Variants in RFC3 observed in about 807,000 individuals in gnomAD.
The protein encoded by RFC3 is A1 38 kDa subunit.
Under a neutral mutation model 45.1 loss-of-function variants are expected in RFC3, and 41 were observed. That is an observed-to-expected ratio of 0.91 (90% CI 0.71 to 1.18). The LOEUF (loss-of-function observed/expected upper bound fraction) is 1.18. Among genes scored for constraint, RFC3 ranks in the 50% most tolerant of loss-of-function variants. The pLI is 0.00. For missense variants in RFC3, 423 were observed against 428.1 expected (o/e 0.99, Z 0.10); for synonymous variants, 149 against 144.0 (o/e 1.03, Z -0.25).
intron 8 of RFC3, among the ~76,000 whole-genome samples, chr13:33,866,681 G>C (rs1405458412): frequency 6.6e-6 from 1 of 152,114 alleles, no homozygotes; most frequent in Non-Finnish European, 1.5e-5. Flanking sequence ...ATTTCTACTG[G>C]TTTTTCCTTA....
At chr13:33,852,014 T>C (rs1216892289) in intron 8 of RFC3, among the ~76,000 whole-genome samples, 1 of 152,206 alleles carries the variant, frequency 6.6e-6, no homozygotes, top group Non-Finnish European at 1.5e-5. Flanking sequence ...AAATGAGATA[T>C]ATTAAATTGA....
chr13:33,820,852 C>T (rs1042224724), intron 1 of RFC3, among the ~76,000 whole-genome samples: 1 of 150,844 alleles, frequency 6.6e-6, no homozygotes, highest in Non-Finnish European at 1.5e-5. Context: ...TGTGCTGTCA[C>T]GTATATAAGT....
chr13:33,866,115 A>G (rs1477861030), intron 8 of RFC3, among the ~76,000 whole-genome samples: 1 of 152,258 alleles, frequency 6.6e-6, no homozygotes, highest in Non-Finnish European at 1.5e-5. Context: ...TACCAGAGAC[A>G]GTAGTTCTTG....
chr13:33,950,996 T>C (rs1323235272), intron 8 of RFC3, among the ~76,000 whole-genome samples: 1 of 151,668 alleles, frequency 6.6e-6, no homozygotes, highest in East Asian at 1.9e-4. Flanking sequence ...GCTGCCAAAG[T>C]TCTTGAAGAC....
intron 8 of RFC3, among the ~76,000 whole-genome samples, chr13:33,856,262 AT>A (rs989589478): frequency 6.6e-6 from 1 of 152,196 alleles, no homozygotes; most frequent in African/African-American, 2.4e-5. Flanking sequence ...ACAAGTTTTT[AT>A]TTATAAGTGG....
In RFC3 at chr13:33,829,576, A is replaced by T. The variant is rs1327357340; in HGVS notation, c.392-260A>T. The T allele has an allele frequency of 9.7e-6, 4 of 410,836 alleles. No individual in the cohort carries two copies. The Admixed American group carries it at 1.7e-4, about 18-fold the overall frequency. The allele number at this position is 410,836 out of a possible 1,614,324, so 25.4% of individuals were successfully genotyped here. A position where few individuals can be genotyped will look rare whatever the true frequency, so the allele number is the denominator to read the frequency against. On this transcript the variant is annotated intron_variant, in intron 4 of 8. Transcript: ENST00000380071. ...CAAGGTCTCACAATATTAAAAACTC[A>T]GAGCTGTTCCTCTCTATAGAAGTCT...
intron 1 of RFC3, among the ~76,000 whole-genome samples, chr13:33,819,966 C>T (rs577107216): frequency 6.6e-6 from 1 of 152,254 alleles, no homozygotes; most frequent in East Asian, 1.9e-4. Flanking sequence ...AGTTCTTTTC[C>T]TTGGGACTTT....
chr13:33,902,079 C>T (rs780895963), intron 8 of RFC3, among the ~76,000 whole-genome samples: 13 of 151,850 alleles, frequency 8.6e-5, no homozygotes, highest in South Asian at 2.1e-4. Context: ...ACACTGATGA[C>T]GGAATATCAG....
chr13:33,836,531 ATTTAC>A lies in RFC3; in HGVS notation c.*241_*245del, dbSNP rs2082156599. The A allele has an allele frequency of 8.2e-7, 1 of 1,212,452 alleles. No individual in the cohort carries two copies. Among genetic ancestry groups the A allele is most frequent in the Non-Finnish European group, 1.0e-6 (1 of 969,424 alleles). The allele number at this position is 1,212,452 out of a possible 1,614,324, so 75.1% of individuals were successfully genotyped here. On this transcript the variant is annotated 3_prime_UTR_variant, in exon 9 of 9. Coordinates refer to ENST00000380071, the MANE Select transcript of RFC3 (RefSeq NM_002915.4). ...TTTAGAGTCTAAGAAAATGATCTTA[ATTTAC>A]TTTAAGCATTGGTTATTCAAGTATT... is the stretch of plus-strand genomic sequence containing the variant.
chr13:33,835,214 GA>G lies in RFC3; in HGVS notation c.878del (p.Lys293ArgfsTer15). The G allele has an allele frequency of 6.2e-7, 1 of 1,604,420 alleles. No homozygotes were observed. The highest frequency in any genetic ancestry group is 8.5e-7 in the Non-Finnish European group (1 of 1,171,474). On this transcript the variant is annotated frameshift_variant and splice_region_variant, in exon 8 of 9. Transcript: ENST00000380071. LOFTEE classifies it high-confidence loss of function. Reference protein sequence around the residue: ...THCIPPEIIMKGLLSELLHNC... With the variant: ...THCIPPEIIMXGLLSELLHNC... The stretch of plus-strand genomic sequence containing the variant: ...ATTGTATTCCTCCTGAGATAATAAT[GA>G]AGGTAACCCAATTTCAGATCTTGAA...
intron 8 of RFC3, among the ~76,000 whole-genome samples, chr13:33,914,575 C>T (rs2082722130): frequency 1.3e-5 from 2 of 152,086 alleles, no homozygotes; most frequent in African/African-American, 4.8e-5. Flanking sequence ...GGAATCTCAC[C>T]TCCTTGGAAA....
At chr13:33,823,762 C>T (rs1487258206) in intron 2 of RFC3, among the ~76,000 whole-genome samples, 155 bp from the exon 3 acceptor site, 1 of 151,946 alleles carries the variant, frequency 6.6e-6, no homozygotes, top group African/African-American at 2.4e-5. Flanking sequence ...TTTATCTGCA[C>T]ATTGAGAAAA....
At chr13:33,820,790 A>G (rs2081994659) in intron 1 of RFC3, among the ~76,000 whole-genome samples, 1 of 152,022 alleles carries the variant, frequency 6.6e-6, no homozygotes, top group African/African-American at 2.4e-5. Flanking sequence ...GGAGATTCTG[A>G]TAGTCAGGTT....
intron 8 of RFC3, among the ~76,000 whole-genome samples, chr13:33,875,459 G>A (rs2082439892): frequency 6.6e-6 from 1 of 152,116 alleles, no homozygotes. Context: ...AGCAAACTTG[G>A]TCCTTTAAAT....
At chr13:33,927,809 C>G (rs1217686438) in intron 8 of RFC3, among the ~76,000 whole-genome samples, 1 of 152,008 alleles carries the variant, frequency 6.6e-6, no homozygotes, top group Non-Finnish European at 1.5e-5. Flanking sequence ...GGAACAAAGG[C>G]CACTGAGTGA....
chr13:33,952,887 C>G (rs1320779417), intron 8 of RFC3, among the ~76,000 whole-genome samples: 1 of 152,086 alleles, frequency 6.6e-6, no homozygotes, highest in Non-Finnish European at 1.5e-5. Flanking sequence ...TAATTTCCAG[C>G]CCTTGGTTGC....
At chr13:33,957,556 T>C (rs910513551) in intron 8 of RFC3, among the ~76,000 whole-genome samples, 2 of 152,198 alleles carry the variant, frequency 1.3e-5, no homozygotes, top group African/African-American at 4.8e-5. Context: ...ACATTTGTTT[T>C]GGAGTAACCT....
chr13:33,851,048 C>T (rs1264741084), intron 8 of RFC3, among the ~76,000 whole-genome samples: 1 of 152,090 alleles, frequency 6.6e-6, no homozygotes, highest in Non-Finnish European at 1.5e-5. Context: ...CAAGCCAAAA[C>T]CCTCCATGGA....
intron 8 of RFC3, among the ~76,000 whole-genome samples, chr13:33,941,044 G>A (rs1370388843): frequency 2.6e-5 from 4 of 152,326 alleles, no homozygotes; most frequent in South Asian, 2.1e-4. Flanking sequence ...AACCTGCCCA[G>A]GGTTTTGTCA....
Sources: allele counts gnomAD v4.1 joint callset (sites outside exome capture counted in the v4.1 genomes callset), GRCh38; gene constraint gnomAD v4.1.1; transcripts MANE v1.5; gene names NCBI Gene and HGNC (gene_info 2026-07-23, HGNC 2026-07-21).